Variants in SIPA1L1 observed in about 807,000 individuals in gnomAD.
SIPA1L1 encodes the protein signal induced proliferation associated 1 like 1.
Under a neutral mutation model 162.7 loss-of-function variants are expected in SIPA1L1, and 26 were observed. That is an observed-to-expected ratio of 0.16 (90% confidence interval 0.12 to 0.22). The LOEUF is 0.22. SIPA1L1 is among the 10% of genes least tolerant of loss of function. SIPA1L1 has a pLI of 1.00. For synonymous variants in SIPA1L1, 829 were observed against 837.4 expected (o/e 0.99, Z 0.17); for missense variants, 1,874 against 2,241.0 (o/e 0.84, Z 3.31).
At chr14:71,530,562 T>C (rs1237530031) in intron 4 of SIPA1L1, among the ~76,000 whole-genome samples, 1 of 152,206 alleles carries the variant, frequency 6.6e-6, no homozygotes, top group Non-Finnish European at 1.5e-5. Flanking sequence ...ATAAAAAGCA[T>C]ATAAGGCATA....
chr14:71,399,027 A>T (rs892199545), intron 2 of SIPA1L1, among the ~76,000 whole-genome samples: 1 of 152,156 alleles, frequency 6.6e-6, no homozygotes. Flanking sequence ...GAGGGTGGAG[A>T]TAGATCTCAG....
chr14:71,699,194 C>T (rs902418731), intron 14 of SIPA1L1, 67 bp downstream of exon 14: 2 of 1,449,738 alleles, frequency 1.4e-6, no homozygotes, highest in African/African-American at 2.8e-5. Flanking sequence ...TGTACTCAGA[C>T]ATGTAAAATG....
chr14:71,689,106 C>CA (rs888168633), intron 13 of SIPA1L1, among the ~76,000 whole-genome samples: 4 of 151,542 alleles, frequency 2.6e-5, no homozygotes, highest in African/African-American at 9.7e-5. Flanking sequence ...TCATTAGGAA[C>CA]AAAAAAAATA....
intron 10 of SIPA1L1, among the ~76,000 whole-genome samples, chr14:71,667,737 T>C (rs1446296066): frequency 2.6e-5 from 4 of 152,208 alleles, no homozygotes; most frequent in African/African-American, 9.6e-5. Flanking sequence ...AAATGTCTTA[T>C]ATTTCTCAAT....
chr14:71,669,986 T>C (rs1358692181), intron 10 of SIPA1L1, among the ~76,000 whole-genome samples: 2 of 152,220 alleles, frequency 1.3e-5, no homozygotes, highest in African/African-American at 2.4e-5. Context: ...TCTTCAATTT[T>C]ATTTGAAAGA....
intron 7 of SIPA1L1, among the ~76,000 whole-genome samples, chr14:71,626,935 T>C (rs958483271): frequency 2.0e-5 from 3 of 152,034 alleles, no homozygotes; most frequent in Non-Finnish European, 4.4e-5. Flanking sequence ...ATTAAAATTT[T>C]ATCTATTAAA....
rs2085602295 is a variant in SIPA1L1, at chr14:71,739,301, A to G, written c.*140A>G. The stretch of plus-strand genomic sequence containing the variant: ...TGCCCCCTTTCGGGGAGTGCACAAC[A>G]CAATAGTTGCAGATCAACAATCATC... On this transcript the variant is annotated 3_prime_UTR_variant, in exon 24 of 24. Transcript: ENST00000381232. 2 of 609,212 alleles carry G rather than the reference A, an allele frequency of 3.3e-6. No homozygotes were observed. The highest frequency in any genetic ancestry group is 5.0e-6 in the Non-Finnish European group (2 of 398,880). The allele number at this position is 609,212 out of a possible 1,614,324, so 37.7% of individuals were successfully genotyped here.
chr14:71,497,171 A>C (rs1252484243), intron 2 of SIPA1L1, among the ~76,000 whole-genome samples: 1 of 149,394 alleles, frequency 6.7e-6, no homozygotes, highest in Non-Finnish European at 1.5e-5. Flanking sequence ...CTCCATCTCA[A>C]AAAACAAACA....
chr14:71,624,372 C>T (rs1596479288), intron 7 of SIPA1L1, 136 bp downstream of exon 7: 1 of 726,508 alleles, frequency 1.4e-6, no homozygotes, highest in Non-Finnish European at 2.1e-6. Flanking sequence ...TTTGCAATTA[C>T]TCATTTTGTT....
intron 4 of SIPA1L1, among the ~76,000 whole-genome samples, chr14:71,564,759 G>T (rs919344386): frequency 6.6e-6 from 1 of 152,064 alleles, no homozygotes; most frequent in Non-Finnish European, 1.5e-5. Flanking sequence ...AAAGTGCTGG[G>T]ATTGGAGGAG....
chr14:71,567,063 C>G (rs1214721434), intron 4 of SIPA1L1, among the ~76,000 whole-genome samples: 1 of 152,104 alleles, frequency 6.6e-6, no homozygotes, highest in South Asian at 2.1e-4. Context: ...TCAGGGAAAG[C>G]CTAATGAAAG....
chr14:71,604,864 G>C (rs2037303224), intron 5 of SIPA1L1, among the ~76,000 whole-genome samples: 1 of 152,028 alleles, frequency 6.6e-6, no homozygotes, highest in Non-Finnish European at 1.5e-5. Flanking sequence ...CTGTGGAGAA[G>C]ACCCTTTTTT....
chr14:71,637,142 A>G (rs1016516191), intron 7 of SIPA1L1, among the ~76,000 whole-genome samples: 3 of 147,818 alleles, frequency 2.0e-5, no homozygotes, highest in Admixed American at 6.8e-5. Flanking sequence ...GCACGCGTGC[A>G]CACACACACA....
chr14:71,331,630 C>T (rs554373450), intron 2 of SIPA1L1, among the ~76,000 whole-genome samples: 13 of 152,190 alleles, frequency 8.5e-5, no homozygotes, highest in African/African-American at 3.1e-4. Context: ...GGTATTCATA[C>T]CCAACACTCT....
At chr14:71,467,622 AG>A (rs2142078669) in intron 2 of SIPA1L1, among the ~76,000 whole-genome samples, 1 of 152,292 alleles carries the variant, frequency 6.6e-6, no homozygotes, top group African/African-American at 2.4e-5. Context: ...AAACCGAAGA[AG>A]CAAAAATTGT....
intron 5 of SIPA1L1, among the ~76,000 whole-genome samples, chr14:71,602,722 C>T (rs1185207943): frequency 6.6e-6 from 1 of 152,234 alleles, no homozygotes; most frequent in Non-Finnish European, 1.5e-5. Flanking sequence ...CCAGGCTGCG[C>T]AGCAGGAGGT....
intron 2 of SIPA1L1, among the ~76,000 whole-genome samples, chr14:71,471,326 G>A (rs1169097412): frequency 2.0e-5 from 3 of 152,058 alleles, no homozygotes; most frequent in Non-Finnish European, 4.4e-5. Context: ...AAAATTAGTC[G>A]GGCGTGGTGG....
intron 4 of SIPA1L1, among the ~76,000 whole-genome samples, chr14:71,550,110 G>T (rs1195232862): frequency 1.3e-5 from 2 of 152,156 alleles, no homozygotes; most frequent in African/African-American, 4.8e-5. Context: ...AATTAGCCAG[G>T]TGTGTTGGTG....
intron 2 of SIPA1L1, among the ~76,000 whole-genome samples, chr14:71,364,486 A>G (rs561920989): frequency 2.0e-5 from 3 of 152,318 alleles, no homozygotes; most frequent in South Asian, 4.1e-4. Context: ...TTCATTTAAC[A>G]TAAGACATTT....
Sources: allele counts gnomAD v4.1 joint callset (sites outside exome capture counted in the v4.1 genomes callset), GRCh38; gene constraint gnomAD v4.1.1; transcripts MANE v1.5; gene names NCBI Gene and HGNC (gene_info 2026-07-23, HGNC 2026-07-21).